The following ALDH9A1 variants were observed in gnomAD, a reference collection of about 807,000 sequenced individuals.
ALDH9A1 encodes 4-trimethylaminobutyraldehyde dehydrogenase.
A neutral mutation model predicts 56.6 loss-of-function variants in ALDH9A1; 42 were observed. The ratio of observed to expected loss-of-function variants is 0.74; its 90% CI spans 0.58 to 0.96. The LOEUF (loss-of-function observed/expected upper bound fraction) is 0.96. Among genes scored for constraint, ALDH9A1 ranks in the 40% least tolerant of loss-of-function variants. The probability of loss-of-function intolerance (pLI) is 0.00; values close to 1 mark genes in which losing one functional copy is unlikely to be tolerated. For synonymous variants in ALDH9A1, 242 were observed against 236.0 expected (o/e 1.03, Z -0.23); for missense variants, 661 against 651.5 (o/e 1.01, Z -0.16).
chr1:165,672,630 T>C (rs61800398), intron 6 of ALDH9A1, among the ~76,000 whole-genome samples: 50,635 of 151,716 alleles, frequency 0.33, 9,908 homozygotes, highest in Middle Eastern at 0.48. Context: ...GTCACTGAAC[T>C]CTACACTTAA....
intron 9 of ALDH9A1, among the ~76,000 whole-genome samples, chr1:165,665,924 G>C (rs185006383): frequency 6.6e-6 from 1 of 152,072 alleles, no homozygotes; most frequent in East Asian, 1.9e-4. Flanking sequence ...CAACAGAAAC[G>C]AAAATATATG....
chr1:165,669,658 G>T (rs1307183329), intron 6 of ALDH9A1, among the ~76,000 whole-genome samples: 1 of 152,038 alleles, frequency 6.6e-6, no homozygotes, highest in Admixed American at 6.6e-5. Flanking sequence ...AGCAAAATCT[G>T]CCCTTTGAGG....
At chr1:165,676,003 T>C (rs74118866) in intron 6 of ALDH9A1, among the ~76,000 whole-genome samples, 22 of 152,334 alleles carry the variant, frequency 1.4e-4, no homozygotes, top group African/African-American at 4.8e-4. Flanking sequence ...AATTTCTTAC[T>C]GTCAGAGAAC....
In ALDH9A1 at chr1:165,698,502, G is replaced by C. The variant is rs766699539; in HGVS notation, c.57C>G (p.Pro19=). The change falls in exon 1 of 11, where the codon CCC becomes CCG. Residue 19 remains proline (P), a synonymous_variant. Coordinates refer to ENST00000354775, the MANE Select transcript of ALDH9A1 (RefSeq NM_000696.4). ...CAGTGCTCATGGCGGCGACAGGAGA[G>C]GGCCGAAGACTGCGAAGAAGCGGGG... ...ALSPLLRSLR[P]SPVAAMSTGT... is the part of the protein sequence containing the mutation. 8.7e-6 allele frequency: 14 copies of C among 1,610,884 alleles called. No individual in the cohort carries two copies. The highest frequency in any genetic ancestry group is 1.2e-5 in the Non-Finnish European group (14 of 1,178,980).
chr1:165,695,487 CT>C (rs34894576), intron 1 of ALDH9A1, 90 bp from the exon 2 acceptor site: 63,009 of 336,878 alleles, frequency 0.19, 1,626 homozygotes, highest in Non-Finnish European at 0.22. Flanking sequence ...TAGTAGTAGT[CT>C]TTTTTTTTTT....
chr1:165,682,342 C>A, intron 3 of ALDH9A1, 101 bp from the exon 4 acceptor site: 1 of 1,266,508 alleles, frequency 7.9e-7, no homozygotes, highest in East Asian at 2.4e-5. Context: ...AACGCAGCCT[C>A]CCCACTTCTC....
At chr1:165,689,736 C>T (rs1425375451) in intron 2 of ALDH9A1, among the ~76,000 whole-genome samples, 1 of 151,890 alleles carries the variant, frequency 6.6e-6, no homozygotes, top group East Asian at 2.0e-4. Flanking sequence ...GAGTTTGAGA[C>T]GAGCCTGGCC....
chr1:165,663,213 A>C, intron 10 of ALDH9A1, 69 bp from the exon 11 acceptor site: 3 of 1,286,996 alleles, frequency 2.3e-6, no homozygotes, highest in Non-Finnish European at 3.4e-6. Flanking sequence ...ATGATCTTCA[A>C]AGATGAGCAC....
Position 165,679,646 on chromosome 1 carries a change from T to C in ALDH9A1, c.790-64A>G, listed in dbSNP as rs548196133. The C allele has an allele frequency of 2.2e-5, 34 of 1,556,790 alleles. No homozygotes were observed. In the Admixed American group the frequency reaches 4.9e-4, roughly 22 times the overall value. On this transcript the variant is annotated intron_variant, in intron 5 of 10. Coordinates refer to ENST00000354775, the MANE Select transcript of ALDH9A1 (RefSeq NM_000696.4). ...AAATTATATTGCATGCTAAGTCAAC[T>C]AGGCCCTGAACCTACAAAATCATCT... is the stretch of plus-strand genomic sequence containing the variant.
intron 10 of ALDH9A1, 29 bp from the exon 11 acceptor site, chr1:165,663,173 G>T: frequency 6.4e-7 from 1 of 1,562,310 alleles, no homozygotes; most frequent in Non-Finnish European, 8.8e-7. Flanking sequence ...GTCAGGTTGA[G>T]CCATCACTAC....
At chr1:165,688,430 G>A (rs1037703205) in intron 2 of ALDH9A1, among the ~76,000 whole-genome samples, 8 of 152,088 alleles carry the variant, frequency 5.3e-5, no homozygotes, top group Non-Finnish European at 8.8e-5. Context: ...CACCAGAAAT[G>A]GTAAATATGT....
intron 7 of ALDH9A1, 55 bp downstream of exon 7, chr1:165,669,207 A>G: frequency 6.7e-7 from 1 of 1,490,396 alleles, no homozygotes; most frequent in Non-Finnish European, 9.1e-7. Flanking sequence ...AAAGCATGTG[A>G]TTTAGGAGTA....
In ALDH9A1 at chr1:165,696,666, GC is replaced by G. The variant is rs140550389; in HGVS notation, c.182-1270del. On this transcript the variant is annotated intron_variant, in intron 1 of 10. Transcript: ENST00000354775. ...AACAATCAGTTTTTCTAGGCCCATAGCCCAAGGACTGTACTGCCTCTACCAA... is the reference window on the plus strand; with the variant it reads ...AACAATCAGTTTTTCTAGGCCCATAGCCAAGGACTGTACTGCCTCTACCAA... Among the ~76,000 whole-genome samples the G allele has an allele frequency of 3.3e-5, 5 of 151,944 alleles. No individual in the cohort carries two copies. The East Asian group carries it at 9.7e-4, about 29-fold the overall frequency.
chr1:165,683,303 GTTAA>G (rs3831954), intron 2 of ALDH9A1, among the ~76,000 whole-genome samples, 193 bp from the exon 3 acceptor site: 98,600 of 151,682 alleles, frequency 0.65, 32,467 homozygotes, highest in East Asian at 0.95. Context: ...TTCTTCCCTC[GTTAA>G]TTAATCGACA....
At chr1:165,667,229 G>T (rs1004514682) in intron 9 of ALDH9A1, 80 bp downstream of exon 9, 73 of 1,559,468 alleles carry the variant, frequency 4.7e-5, no homozygotes, top group Non-Finnish European at 6.1e-5. Context: ...TAAAGTGAGA[G>T]AATAGGATCA....
In ALDH9A1 at chr1:165,680,808, C is replaced by A. The variant is rs568815335; in HGVS notation, c.593-125G>T. ...CCTCTTCCCCAACCAAATCCTACAT[C>A]AAAAATGTTATTAATAACCATATTA... is the stretch of plus-strand genomic sequence containing the variant. On this transcript the variant is annotated intron_variant, in intron 4 of 10. Transcript: ENST00000354775. 4.4e-6 allele frequency: 4 copies of A among 905,530 alleles called. No individual in the cohort carries two copies. In the South Asian group the frequency reaches 7.2e-5, roughly 16 times the overall value. 56.1% of individuals were successfully genotyped at this position (905,530 alleles called of 1,614,324 possible).
chr1:165,687,294 C>CAA (rs56034005), intron 2 of ALDH9A1, among the ~76,000 whole-genome samples: 111 of 145,378 alleles, frequency 7.6e-4, no homozygotes, highest in South Asian at 1.3e-3. Flanking sequence ...GAAGAGGGGG[C>CAA]AAAAAAAAAA....
rs946834706 is a variant in ALDH9A1, at chr1:165,664,903, T to C, written c.1462+115A>G. Reference sequence around the variant, plus strand: ...GATCTGGGGAAGGACCAGGAACCTGTATTTCCCCAGGTAATTCAGATATGC... The same window carrying C: ...GATCTGGGGAAGGACCAGGAACCTGCATTTCCCCAGGTAATTCAGATATGC... On this transcript the variant is annotated intron_variant, in intron 10 of 10. Coordinates refer to ENST00000354775, the MANE Select transcript of ALDH9A1 (RefSeq NM_000696.4). The C allele has an allele frequency of 3.8e-6, 3 of 791,678 alleles. No individual in the cohort carries two copies. The South Asian group carries it at 5.1e-5, about 13-fold the overall frequency. 49.0% of individuals were successfully genotyped at this position (791,678 alleles called of 1,614,324 possible). A position where few individuals can be genotyped will look rare whatever the true frequency, so the allele number is the denominator to read the frequency against.
intron 2 of ALDH9A1, among the ~76,000 whole-genome samples, chr1:165,693,853 G>A (rs1649976298): frequency 6.6e-6 from 1 of 152,082 alleles, no homozygotes; most frequent in Admixed American, 6.6e-5. Context: ...AAGAAAATGT[G>A]GCACATATAT....
Sources: allele counts gnomAD v4.1 joint callset (sites outside exome capture counted in the v4.1 genomes callset), GRCh38; gene constraint gnomAD v4.1.1; transcripts MANE v1.5; gene names NCBI Gene and HGNC (gene_info 2026-07-23, HGNC 2026-07-21).